The following BPIFA2 variants were observed in gnomAD, a reference collection of about 807,000 sequenced individuals.
BPIFA2 encodes BPI fold-containing family A member 2.
BPIFA2 carries 20 observed loss-of-function variants against 25.7 expected under a neutral mutation model. That is an observed-to-expected ratio of 0.78 (90% CI 0.55 to 1.13). BPIFA2 has a LOEUF of 1.13. BPIFA2 is among the 50% of genes most tolerant of loss of function. The pLI, the probability that BPIFA2 is intolerant of heterozygous loss-of-function variation, is 0.00. For missense variants in BPIFA2, 300 were observed against 298.1 expected, an observed-to-expected ratio of 1.01 and a Z score of -0.05; for synonymous variants, 126 against 124.3, an observed-to-expected ratio of 1.01 and a Z score of -0.09.
At chr20:33,165,052 A>G (rs17124257), upstream of BPIFA2, among the ~76,000 whole-genome samples, 1,548 of 152,360 alleles carry the variant, frequency 0.01, 36 homozygotes, top group African/African-American at 0.036. Context: ...TGAGCGCTGA[A>G]AGAATAAACT....
chr20:33,174,284 G>A, intron 4 of BPIFA2, 98 bp downstream of exon 4: 1 of 1,051,874 alleles, frequency 9.5e-7, no homozygotes, highest in Non-Finnish European at 1.5e-6. Context: ...GCTGCTGGGT[G>A]AACTTGGGCC....
In BPIFA2 at chr20:33,172,843, A is replaced by G. The variant is rs948993493; in HGVS notation, c.158-89A>G. On this transcript the variant is annotated intron_variant, in intron 2 of 8. Coordinates refer to ENST00000354932, the MANE Select transcript of BPIFA2 (RefSeq NM_080574.4). ...GTTGTTATAAAGATTAAATGAAATA[A>G]CATAGGCAAACAGTCTTACCCGGTA... 3 of 1,378,580 alleles carry G rather than the reference A, an allele frequency of 2.2e-6. No individual in the cohort carries two copies. The African/African-American group carries it at 4.5e-5, about 21-fold the overall frequency. The allele number at this position is 1,378,580 out of a possible 1,614,324, so 85.4% of individuals were successfully genotyped here.
chr20:33,164,262 G>A (rs1333044858), upstream of BPIFA2, among the ~76,000 whole-genome samples: 2 of 152,254 alleles, frequency 1.3e-5, no homozygotes, highest in Admixed American at 6.5e-5. Context: ...TTAGCAGGGA[G>A]GATCTGGAAG....
chr20:33,175,325 T>C (rs1403688221), intron 4 of BPIFA2, 82 bp from the exon 5 acceptor site: 31 of 1,373,282 alleles, frequency 2.3e-5, no homozygotes, highest in South Asian at 4.0e-5. Flanking sequence ...TTCTGACTCA[T>C]GTCCACACAG....
At chr20:33,175,296 T>G in intron 4 of BPIFA2, 111 bp from the exon 5 acceptor site, 2 of 1,091,214 alleles carry the variant, frequency 1.8e-6, no homozygotes, top group Non-Finnish European at 1.3e-6. Flanking sequence ...CTGGGCCATG[T>G]TGACATTACA....
chr20:33,172,918 A>G lies in BPIFA2; in HGVS notation c.158-14A>G, dbSNP rs1378682988. On this transcript the variant is annotated splice_polypyrimidine_tract_variant and intron_variant, in intron 2 of 8. Coordinates refer to ENST00000354932, the MANE Select transcript of BPIFA2 (RefSeq NM_080574.4). The stretch of plus-strand genomic sequence containing the variant: ...AAGTGGTGCGTGACACAAAATGGCG[A>G]TTGTTTTTGGCAGGCATCCTTGAGA... 6.2e-7 allele frequency: 1 copy of G among 1,611,434 alleles called. No homozygotes were observed. The highest frequency in any genetic ancestry group is 2.2e-5 in the East Asian group (1 of 44,808).
chr20:33,179,727 A>T, intron 7 of BPIFA2, 60 bp downstream of exon 7: 1 of 1,491,876 alleles, frequency 6.7e-7, no homozygotes, highest in Non-Finnish European at 9.3e-7. Context: ...TGCCCACCCC[A>T]TAAGCAGTTC....
upstream of BPIFA2, among the ~76,000 whole-genome samples, chr20:33,165,116 G>A (rs530638185): frequency 6.6e-6 from 1 of 152,352 alleles, no homozygotes; most frequent in Admixed American, 6.5e-5. Context: ...TTGAATTAAA[G>A]GTCTTCAGAC....
chr20:33,168,014 G>A (rs1011654811), upstream of BPIFA2: 1 of 152,206 alleles, frequency 6.6e-6, no homozygotes, highest in African/African-American at 2.4e-5. Context: ...CCTTTGAGTT[G>A]GAAATCTCTC....
At chr20:33,172,388 C>T (rs1364850808) in intron 2 of BPIFA2, among the ~76,000 whole-genome samples, 5 of 147,968 alleles carry the variant, frequency 3.4e-5, no homozygotes, top group African/African-American at 1.1e-4. Flanking sequence ...ACATGTATCC[C>T]GGAACTTAAA....
intron 8 of BPIFA2, 105 bp from the exon 9 acceptor site, chr20:33,181,119 G>A (rs1262700433): frequency 2.0e-5 from 3 of 152,758 alleles, no homozygotes; most frequent in African/African-American, 4.8e-5. Flanking sequence ...TGGGACACTG[G>A]AGCCAGGTCA....
At position 33,175,413 on chromosome 20, in the gene BPIFA2, C is replaced by G. The variant is rs1171688307; in HGVS notation, c.417C>G (p.Ile139Met). ...VTANVTVAGP[I>M]IGQIINLKAS... ...TGCATCTTACTTCCTGCAGGCCCAT[C>G]ATTGGCCAGATTATCAACCTGAAAG... The change falls in exon 5 of 9, where the codon ATC becomes ATG. Residue 139 changes from isoleucine to methionine, a missense_variant. Coordinates refer to ENST00000354932, the MANE Select transcript of BPIFA2 (RefSeq NM_080574.4). The G allele has an allele frequency of 1.2e-6, 2 of 1,613,710 alleles. No individual in the cohort carries two copies. The highest frequency in any genetic ancestry group is 8.5e-7 in the Non-Finnish European group (1 of 1,179,750).
chr20:33,180,149 C>T (rs559720524), intron 7 of BPIFA2, among the ~76,000 whole-genome samples: 9 of 151,696 alleles, frequency 5.9e-5, no homozygotes, highest in East Asian at 1.9e-4. Context: ...GCCTAGGAGG[C>T]GGACATCGCA....
Position 33,173,692 on chromosome 20 carries a change from C to T in BPIFA2, c.303-387C>T, listed in dbSNP as rs538648249. On this transcript the variant is annotated intron_variant, in intron 3 of 8. Transcript: ENST00000354932. Reference sequence around the variant, plus strand: ...GCTAATTTTGTATATTTAGTAGACACAGGGTTTCTCCATGTTGGTCAGGCT... The same window carrying T: ...GCTAATTTTGTATATTTAGTAGACATAGGGTTTCTCCATGTTGGTCAGGCT... 2.0e-5 allele frequency among the ~76,000 whole-genome samples: 3 copies of T among 152,244 alleles called. No individual in the cohort carries two copies. In the South Asian group the frequency reaches 6.2e-4, roughly 32 times the overall value.
intron 6 of BPIFA2, 115 bp downstream of exon 6, chr20:33,178,343 T>C (rs1984156441): frequency 2.7e-6 from 2 of 750,692 alleles, no homozygotes; most frequent in East Asian, 2.9e-5. Flanking sequence ...AAGCTTCTCC[T>C]TAGGAGGTCA....
rs1055823635 is a variant in BPIFA2 at position 33,169,117 on chromosome 20, C to G, written c.-15-14C>G. The stretch of plus-strand genomic sequence containing the variant: ...TGGGCAATTCTCACTCCTGTTCTTC[C>G]CATGACTGTCCAGGTGTCAAGACAA... On this transcript the variant is annotated splice_polypyrimidine_tract_variant and intron_variant, in intron 1 of 8. Transcript: ENST00000354932. The G allele has an allele frequency of 3.7e-6, 6 of 1,608,942 alleles. No homozygotes were observed. The highest frequency in any genetic ancestry group is 5.1e-6 in the Non-Finnish European group (6 of 1,175,796).
At chr20:33,180,661 G>T (rs1399558388) in intron 8 of BPIFA2, 64 bp downstream of exon 8, 24 of 1,360,004 alleles carry the variant, frequency 1.8e-5, no homozygotes, top group Non-Finnish European at 1.7e-5. Context: ...GTCAAGCGTG[G>T]CTTCCCTTAT....
intron 5 of BPIFA2, among the ~76,000 whole-genome samples, chr20:33,177,592 C>A (rs1406106280): frequency 6.6e-6 from 1 of 152,180 alleles, no homozygotes; most frequent in African/African-American, 2.4e-5. Context: ...CAAATTCAGT[C>A]CATCGGTAAA....
intron 5 of BPIFA2, among the ~76,000 whole-genome samples, chr20:33,176,290 C>T (rs936927475): frequency 6.6e-6 from 1 of 152,204 alleles, no homozygotes; most frequent in African/African-American, 2.4e-5. Flanking sequence ...CCTGAAAGAG[C>T]AGGTTTGACT....
Sources: gnomAD v4.1 joint callset for allele counts (sites outside exome capture counted in the v4.1 genomes callset) on GRCh38, gnomAD v4.1.1 for gene constraint, MANE v1.5 for transcripts, NCBI Gene and HGNC (gene_info 2026-07-23, HGNC 2026-07-21) for gene names.